PARD3: variants seen among roughly 807,000 people sequenced by gnomAD.
PARD3 encodes the protein partitioning defective 3 homolog.
Under a neutral mutation model 155.4 loss-of-function variants are expected in PARD3, and 75 were observed. The ratio of observed to expected loss-of-function variants is 0.48; its 90% confidence interval spans 0.40 to 0.58. The LOEUF is 0.58. Ranked by LOEUF, PARD3 falls within the 20% of genes least tolerant of loss-of-function variation. The probability of loss-of-function intolerance (pLI) is 0.00; values close to 1 mark genes in which losing one functional copy is unlikely to be tolerated. For synonymous variants in PARD3, 576 were observed against 610.5 expected, an observed-to-expected ratio of 0.94 and a Z score of 0.83; for missense variants, 1,642 against 1,721.7, an observed-to-expected ratio of 0.95 and a Z score of 0.82.
intron 1 of PARD3, among the ~76,000 whole-genome samples, chr10:34,786,464 G>C (rs888695961): frequency 6.6e-6 from 1 of 152,188 alleles, no homozygotes; most frequent in African/African-American, 2.4e-5. Flanking sequence ...GGCCCCATAA[G>C]AGAAATAACA....
intron 1 of PARD3, among the ~76,000 whole-genome samples, chr10:34,801,488 C>A (rs1842837637): frequency 6.6e-6 from 1 of 152,086 alleles, no homozygotes; most frequent in African/African-American, 2.4e-5. Flanking sequence ...AATACAAAGC[C>A]AGGGTGTTGA....
At chr10:34,434,938 T>C (rs1053617239) in intron 5 of PARD3, among the ~76,000 whole-genome samples, 1 of 152,250 alleles carries the variant, frequency 6.6e-6, no homozygotes, top group Admixed American at 6.5e-5. Context: ...GCTGCACAAA[T>C]TCTGTATTTA....
chr10:34,725,508 AG>A (rs1207788675), intron 1 of PARD3, among the ~76,000 whole-genome samples: 2 of 152,156 alleles, frequency 1.3e-5, no homozygotes, highest in Non-Finnish European at 2.9e-5. Context: ...GTCACTGCTA[AG>A]TATTCGTTGC....
intron 4 of PARD3, among the ~76,000 whole-genome samples, 170 bp downstream of exon 4, chr10:34,469,915 T>C (rs1459201042): frequency 6.6e-6 from 1 of 152,136 alleles, no homozygotes; most frequent in African/African-American, 2.4e-5. Context: ...AAGTGTGATA[T>C]AAAATAGGAG....
At chr10:34,522,813 G>A (rs1315667498) in intron 2 of PARD3, among the ~76,000 whole-genome samples, 4 of 151,570 alleles carry the variant, frequency 2.6e-5, no homozygotes, top group Non-Finnish European at 4.4e-5. Context: ...AAGCAAAGCC[G>A]AGCCTCAGAG....
chr10:34,786,127 T>A (rs1158667577), intron 1 of PARD3, among the ~76,000 whole-genome samples: 2 of 152,212 alleles, frequency 1.3e-5, no homozygotes, highest in African/African-American at 4.8e-5. Context: ...AAATCACATA[T>A]GAAATACAGA....
chr10:34,327,198 T>C (rs1835117642), intron 19 of PARD3, among the ~76,000 whole-genome samples: 1 of 152,048 alleles, frequency 6.6e-6, no homozygotes. Flanking sequence ...AGGGAGCAGA[T>C]TGTCAATGCC....
At chr10:34,573,376 C>A (rs11009820) in intron 2 of PARD3, among the ~76,000 whole-genome samples, 71,987 of 151,476 alleles carry the variant, frequency 0.48, 17,883 homozygotes, top group African/African-American at 0.64. Context: ...GTAAGAATTT[C>A]AAGAATGTAT....
chr10:34,604,320 C>T (rs1457110846), intron 2 of PARD3, among the ~76,000 whole-genome samples: 1 of 152,100 alleles, frequency 6.6e-6, no homozygotes. Context: ...CAGATCCACT[C>T]TTAATATGGT....
intron 14 of PARD3, among the ~76,000 whole-genome samples, chr10:34,357,929 A>G (rs1432785266): frequency 6.6e-6 from 1 of 152,228 alleles, no homozygotes; most frequent in Non-Finnish European, 1.5e-5. Flanking sequence ...ATAGGTTCAG[A>G]TGAGTGGTCA....
intron 1 of PARD3, among the ~76,000 whole-genome samples, chr10:34,750,955 C>T (rs1252827393): frequency 6.6e-6 from 1 of 152,194 alleles, no homozygotes; most frequent in African/African-American, 2.4e-5. Context: ...TCCCAAAGTG[C>T]TGTGATTACA....
chr10:34,809,716 C>A (rs1414611335), intron 1 of PARD3, among the ~76,000 whole-genome samples: 1 of 152,116 alleles, frequency 6.6e-6, no homozygotes, highest in Non-Finnish European at 1.5e-5. Context: ...GGGACAAAGG[C>A]GCTTCAGCAC....
chr10:34,226,117 CA>C, intron 22 of PARD3, among the ~76,000 whole-genome samples: 1 of 152,060 alleles, frequency 6.6e-6, no homozygotes, highest in East Asian at 1.9e-4. Context: ...AAAACGGAGG[CA>C]AAAGATATGA....
At chr10:34,579,162 C>T (rs1365833113) in intron 2 of PARD3, among the ~76,000 whole-genome samples, 1 of 151,690 alleles carries the variant, frequency 6.6e-6, no homozygotes, top group Non-Finnish European at 1.5e-5. Context: ...CCCAGCTACT[C>T]AGGAGGCTGA....
intron 22 of PARD3, 59 bp from the exon 23 acceptor site, chr10:34,131,642 G>A: frequency 6.6e-7 from 1 of 1,520,304 alleles, no homozygotes; most frequent in East Asian, 2.3e-5. Flanking sequence ...GTGAACTGCA[G>A]TTGCTAGCAA....
At chr10:34,263,390 C>T (rs1156529897) in intron 22 of PARD3, among the ~76,000 whole-genome samples, 2 of 152,158 alleles carry the variant, frequency 1.3e-5, no homozygotes, top group Non-Finnish European at 2.9e-5. Flanking sequence ...AGCACGGTGG[C>T]TCACGCCTGT....
At chr10:34,627,640 A>C (rs142534259) in intron 2 of PARD3, among the ~76,000 whole-genome samples, 53 of 152,272 alleles carry the variant, frequency 3.5e-4, no homozygotes, top group African/African-American at 1.2e-3. Flanking sequence ...GGGCTTCCGA[A>C]GCCAGGAACA....
intron 4 of PARD3, among the ~76,000 whole-genome samples, chr10:34,459,688 T>C (rs1178243524): frequency 6.6e-6 from 1 of 152,144 alleles, no homozygotes; most frequent in Non-Finnish European, 1.5e-5. Context: ...ATCATAAATA[T>C]TTTATATTTA....
chr10:34,579,703 C>G (rs1446880561), intron 2 of PARD3, among the ~76,000 whole-genome samples: 2 of 151,454 alleles, frequency 1.3e-5, no homozygotes, highest in East Asian at 3.9e-4. Context: ...GCCTCAGCCT[C>G]CTGAGTAGCT....
Sources: allele counts gnomAD v4.1 joint callset (sites outside exome capture counted in the v4.1 genomes callset), GRCh38; gene constraint gnomAD v4.1.1; transcripts MANE v1.5; gene names NCBI Gene and HGNC (gene_info 2026-07-23, HGNC 2026-07-21).